The following RARB variants were observed in gnomAD, a reference collection of about 807,000 sequenced individuals.
RARB encodes the protein HBV-activated protein.
A neutral mutation model predicts 51.9 loss-of-function variants in RARB; 17 were observed. The observed-to-expected ratio is 0.33, with a 90% CI of 0.22 to 0.49. The LOEUF (loss-of-function observed/expected upper bound fraction) is 0.49, where lower values mean the gene tolerates loss of function less well. RARB is among the 20% of genes least tolerant of loss of function. The pLI is 0.99. For synonymous variants in RARB, 215 were observed against 195.4 expected (o/e 1.10, Z -0.84); for missense variants, 369 against 550.8 (o/e 0.67, Z 3.30).
intron 5 of RARB, among the ~76,000 whole-genome samples, chr3:25,183,705 C>T (rs574815556): frequency 2.6e-4 from 39 of 152,196 alleles, no homozygotes; most frequent in Non-Finnish European, 5.0e-4. Context: ...ATAAATTTAT[C>T]GTACAAACTT....
At chr3:25,257,622 G>A (rs1224442006) in intron 5 of RARB, among the ~76,000 whole-genome samples, 2 of 152,010 alleles carry the variant, frequency 1.3e-5, no homozygotes, top group Non-Finnish European at 2.9e-5. Flanking sequence ...ATGTTTAAAT[G>A]GAAAGCCCTG....
chr3:25,168,830 A>C (rs527396798), intron 4 of RARB, among the ~76,000 whole-genome samples: 1 of 152,346 alleles, frequency 6.6e-6, no homozygotes, highest in South Asian at 2.1e-4. Flanking sequence ...TATCAAAGGA[A>C]GCATAAAATA....
chr3:25,406,470 C>T (rs1479805495), intron 5 of RARB, among the ~76,000 whole-genome samples: 3 of 152,212 alleles, frequency 2.0e-5, no homozygotes, highest in African/African-American at 7.2e-5. Flanking sequence ...TTCTCCTTGG[C>T]TTGCAGCTGG....
chr3:25,590,118 TC>T (rs11293228), intron 5 of RARB, among the ~76,000 whole-genome samples: 8,092 of 152,324 alleles, frequency 0.053, 639 homozygotes, highest in African/African-American at 0.18. Context: ...CCATGTGCGT[TC>T]CCTCTCTGGA....
chr3:25,265,836 G>A (rs1050116946), intron 5 of RARB, among the ~76,000 whole-genome samples: 2 of 152,154 alleles, frequency 1.3e-5, no homozygotes, highest in African/African-American at 4.8e-5. Context: ...TGGCTAAAAT[G>A]AAGGTGTCAG....
intron 4 of RARB, among the ~76,000 whole-genome samples, chr3:25,573,046 C>T (rs1206418516): frequency 1.3e-5 from 2 of 152,084 alleles, no homozygotes; most frequent in East Asian, 1.9e-4. Flanking sequence ...ATGAGCAGAA[C>T]GTGGAGAGAT....
At chr3:24,945,075 T>A (rs1398056207) in intron 2 of RARB, among the ~76,000 whole-genome samples, 1 of 152,376 alleles carries the variant, frequency 6.6e-6, no homozygotes, top group East Asian at 1.9e-4. Context: ...AACAGTGATA[T>A]AGTTTTAATA....
chr3:25,088,160 G>T (rs1215093028), intron 3 of RARB, among the ~76,000 whole-genome samples: 3 of 151,980 alleles, frequency 2.0e-5, no homozygotes, highest in African/African-American at 7.2e-5. Flanking sequence ...ACATTATTTG[G>T]TGAAACCTTG....
intron 2 of RARB, among the ~76,000 whole-genome samples, chr3:24,998,134 C>T (rs534092286): frequency 2.0e-5 from 3 of 151,870 alleles, no homozygotes; most frequent in Non-Finnish European, 4.4e-5. Context: ...TTTCAGAATC[C>T]ATTTCAATAT....
intron 2 of RARB, among the ~76,000 whole-genome samples, chr3:25,495,472 T>C (rs977030280): frequency 6.6e-6 from 1 of 152,240 alleles, no homozygotes; most frequent in African/African-American, 2.4e-5. Context: ...TAGGAATGAT[T>C]GGAAACAGTG....
At chr3:24,910,440 G>T (rs940891699) in intron 2 of RARB, among the ~76,000 whole-genome samples, 33 of 152,130 alleles carry the variant, frequency 2.2e-4, no homozygotes, top group African/African-American at 7.0e-4. Flanking sequence ...GACATGTTTT[G>T]ATAAATATAG....
chr3:25,577,390 G>A (rs956113406), intron 4 of RARB, among the ~76,000 whole-genome samples: 2 of 152,262 alleles, frequency 1.3e-5, no homozygotes, highest in Middle Eastern at 3.4e-3. Context: ...GTGGTTACAT[G>A]CAAAAACATA....
intron 3 of RARB, among the ~76,000 whole-genome samples, chr3:25,070,392 C>T (rs898049011): frequency 2.0e-5 from 3 of 152,076 alleles, no homozygotes; most frequent in African/African-American, 4.8e-5. Flanking sequence ...AAAACTGTGA[C>T]TATTAGCGAT....
chr3:25,580,779 G>T, intron 5 of RARB, 57 bp downstream of exon 5: 1 of 1,477,774 alleles, frequency 6.8e-7, no homozygotes, highest in Non-Finnish European at 9.2e-7. Context: ...GCACCGTGGA[G>T]GGGAGGGAGG....
intron 2 of RARB, among the ~76,000 whole-genome samples, chr3:24,886,385 CG>C (rs1249061696): frequency 1.3e-5 from 2 of 151,612 alleles, no homozygotes; most frequent in East Asian, 3.9e-4. Flanking sequence ...AAAAGAGGAC[CG>C]TTATTGGAAA....
At position 25,475,342 on chromosome 3, in the gene RARB, A is replaced by G. The variant is rs1469081775; in HGVS notation, c.306+14001A>G. Among the ~76,000 whole-genome samples the G allele has an allele frequency of 3.3e-5, 5 of 152,222 alleles. No individual in the cohort carries two copies. The East Asian group carries it at 7.8e-4, about 24-fold the overall frequency. On this transcript the variant is annotated intron_variant, in intron 2 of 7. Transcript: ENST00000330688. Reference sequence around the variant, plus strand: ...TGAGGGATGGTAAGAGTGACCTCCAAGGAACTAAATGTTTACCTGTATTAT... The same window carrying G: ...TGAGGGATGGTAAGAGTGACCTCCAGGGAACTAAATGTTTACCTGTATTAT...
rs1207532377 is a variant in RARB, at chr3:25,314,076, CA to C, written c.178+139510del. Among the ~76,000 whole-genome samples, 15 of 147,928 alleles carry C rather than the reference CA, an allele frequency of 1.0e-4. No homozygotes were observed. In the South Asian group the frequency reaches 1.1e-3, roughly 11 times the overall value. On this transcript the variant is annotated intron_variant, in intron 5 of 11. Coordinates refer to the RARB transcript ENST00000383772. ...ACAGAGCCAGACTCTGTCTCAACAA[CA>C]AAAAAAAATTAATTAATTTTTAAAA... is the stretch of plus-strand genomic sequence containing the variant.
At chr3:25,309,667 T>A (rs1037224202) in intron 5 of RARB, among the ~76,000 whole-genome samples, 1 of 150,936 alleles carries the variant, frequency 6.6e-6, no homozygotes, top group Non-Finnish European at 1.5e-5. Context: ...CTGGCTAATT[T>A]TTGTATTTTT....
chr3:25,289,243 C>T (rs755869893), intron 5 of RARB, among the ~76,000 whole-genome samples: 2 of 152,180 alleles, frequency 1.3e-5, no homozygotes, highest in Non-Finnish European at 2.9e-5. Context: ...GTTAGTAAGA[C>T]CTCCCTCACG....
Sources: gnomAD v4.1 joint callset for allele counts (sites outside exome capture counted in the v4.1 genomes callset) on GRCh38, gnomAD v4.1.1 for gene constraint, MANE v1.5 for transcripts, NCBI Gene and HGNC (gene_info 2026-07-23, HGNC 2026-07-21) for gene names.